BMP6: variants seen among roughly 807,000 people sequenced by gnomAD.
BMP6 encodes VG-1-R.
BMP6 carries 17 observed loss-of-function variants against 54.1 expected under a neutral mutation model. The observed-to-expected ratio is 0.31, with a 90% CI of 0.22 to 0.47. The LOEUF (loss-of-function observed/expected upper bound fraction) is 0.47, where lower values mean the gene tolerates loss of function less well. Ranked by LOEUF, BMP6 falls within the 20% of genes least tolerant of loss-of-function variation. The probability of loss-of-function intolerance (pLI) is 1.00; values close to 1 mark genes in which losing one functional copy is unlikely to be tolerated. For missense variants in BMP6, 720 were observed against 690.4 expected, an observed-to-expected ratio of 1.04 and a Z score of -0.48; for synonymous variants, 328 against 291.2, an observed-to-expected ratio of 1.13 and a Z score of -1.28.
intron 1 of BMP6, among the ~76,000 whole-genome samples, chr6:7,809,438 G>A (rs972201393): frequency 1.3e-5 from 2 of 152,214 alleles, no homozygotes; most frequent in Non-Finnish European, 2.9e-5. Flanking sequence ...AAACAGAAAT[G>A]GAAGAACAGC....
Position 7,842,818 on chromosome 6 carries a change from T to C in BMP6, c.665-2322T>C, listed in dbSNP as rs551226362. On this transcript the variant is annotated intron_variant, in intron 1 of 6. Coordinates refer to ENST00000283147, the MANE Select transcript of BMP6 (RefSeq NM_001718.6). ...ACTGAAATATCTTAAAGTTACTGTC[T>C]TATGTCTTATTTCTTATATTTTTTC... Among the ~76,000 whole-genome samples the C allele has an allele frequency of 2.0e-5, 3 of 152,390 alleles. No homozygotes were observed. In the South Asian group the frequency reaches 6.2e-4, roughly 32 times the overall value.
At chr6:7,870,168 C>A (rs1361514916) in intron 4 of BMP6, among the ~76,000 whole-genome samples, 3 of 152,214 alleles carry the variant, frequency 2.0e-5, no homozygotes, top group Admixed American at 6.5e-5. Flanking sequence ...GGAGGAATGA[C>A]AGATAATGAA....
chr6:7,817,373 C>T (rs1405659916), intron 1 of BMP6, among the ~76,000 whole-genome samples: 2 of 152,032 alleles, frequency 1.3e-5, no homozygotes, highest in African/African-American at 2.4e-5. Context: ...TGCACATATA[C>T]ACCATGGAAT....
intron 1 of BMP6, among the ~76,000 whole-genome samples, chr6:7,782,620 C>A (rs1757963669): frequency 2.6e-5 from 4 of 152,098 alleles, no homozygotes; most frequent in Admixed American, 2.0e-4. Context: ...AGGAGAATTG[C>A]TTGAACCGGG....
chr6:7,755,340 TTTTA>T (rs1210371776), intron 1 of BMP6, among the ~76,000 whole-genome samples: 2 of 152,204 alleles, frequency 1.3e-5, no homozygotes, highest in Non-Finnish European at 2.9e-5. Flanking sequence ...GACCTTTATG[TTTTA>T]TTTATTTTTA....
chr6:7,852,090 G>A (rs112053446), intron 2 of BMP6, among the ~76,000 whole-genome samples: 29 of 152,158 alleles, frequency 1.9e-4, no homozygotes, highest in African/African-American at 6.0e-4. Context: ...TGAAATTCTG[G>A]ACATTAAGAA....
At chr6:7,772,392 T>C (rs762839974) in intron 1 of BMP6, among the ~76,000 whole-genome samples, 1 of 152,188 alleles carries the variant, frequency 6.6e-6, no homozygotes, top group Non-Finnish European at 1.5e-5. Context: ...GCCCAATCTG[T>C]CAGTAATGAA....
At chr6:7,869,415 T>TA (rs1759484568) in intron 4 of BMP6, among the ~76,000 whole-genome samples, 1 of 152,252 alleles carries the variant, frequency 6.6e-6, no homozygotes, top group African/African-American at 2.4e-5. Flanking sequence ...ACCCAGATGT[T>TA]ATGCTTAGTG....
chr6:7,849,246 A>G (rs1256595749), intron 2 of BMP6, among the ~76,000 whole-genome samples: 1 of 151,972 alleles, frequency 6.6e-6, no homozygotes, highest in Non-Finnish European at 1.5e-5. Flanking sequence ...TAGAATTCAG[A>G]CTCTGGTACT....
chr6:7,773,110 G>A (rs924131496), intron 1 of BMP6, among the ~76,000 whole-genome samples: 3 of 152,182 alleles, frequency 2.0e-5, no homozygotes, highest in African/African-American at 7.2e-5. Flanking sequence ...TTAGATGAAC[G>A]TAGCAGATGC....
At chr6:7,751,999 T>G (rs544406570) in intron 1 of BMP6, among the ~76,000 whole-genome samples, 1 of 152,348 alleles carries the variant, frequency 6.6e-6, no homozygotes, top group African/African-American at 2.4e-5. Context: ...ACTCACTACT[T>G]CACAAACACA....
chr6:7,780,565 G>T (rs898174845), intron 1 of BMP6, among the ~76,000 whole-genome samples: 1 of 151,352 alleles, frequency 6.6e-6, no homozygotes, highest in African/African-American at 2.4e-5. Flanking sequence ...AAAAAAGCAA[G>T]GGAGACTCTT....
intron 1 of BMP6, among the ~76,000 whole-genome samples, chr6:7,813,468 A>AC (rs1333897239): frequency 6.9e-6 from 1 of 145,288 alleles, no homozygotes; most frequent in Non-Finnish European, 1.5e-5. Context: ...CAAAAAAAAA[A>AC]AAAAAAAAAA....
chr6:7,788,550 G>T (rs1758050312), intron 1 of BMP6, among the ~76,000 whole-genome samples: 1 of 152,110 alleles, frequency 6.6e-6, no homozygotes, highest in African/African-American at 2.4e-5. Flanking sequence ...AGTTTTAAAG[G>T]GTGTAATATC....
At chr6:7,735,965 C>T (rs958113587) in intron 1 of BMP6, among the ~76,000 whole-genome samples, 3 of 152,036 alleles carry the variant, frequency 2.0e-5, no homozygotes, top group Non-Finnish European at 2.9e-5. Flanking sequence ...ACGCAGAGTT[C>T]GGGGAAAGAA....
intron 1 of BMP6, among the ~76,000 whole-genome samples, chr6:7,732,056 A>C (rs971813771): frequency 6.6e-6 from 1 of 152,224 alleles, no homozygotes; most frequent in African/African-American, 2.4e-5. Flanking sequence ...AACATAAATA[A>C]GAAGAAAAAT....
Position 7,881,540 on chromosome 6 carries a change from AG to A in BMP6, c.*1198del, listed in dbSNP as rs1759737832. ...ACTTTTAAAAAAAAAGAGTTTATTT[AG>A]AAAGTATCATAGTGTAAACAAACAA... On this transcript the variant is annotated 3_prime_UTR_variant, in exon 7 of 7. Coordinates refer to ENST00000283147, the MANE Select transcript of BMP6 (RefSeq NM_001718.6). 2 of 152,458 alleles carry A rather than the reference AG, an allele frequency of 1.3e-5. No individual in the cohort carries two copies. Among genetic ancestry groups the A allele is most frequent in the Non-Finnish European group, 2.9e-5 (2 of 68,046 alleles). 9.4% of individuals were successfully genotyped at this position (152,458 alleles called of 1,614,324 possible). A position where few individuals can be genotyped will look rare whatever the true frequency, so the allele number is the denominator to read the frequency against.
At chr6:7,838,552 A>G (rs1758913683) in intron 1 of BMP6, among the ~76,000 whole-genome samples, 1 of 152,170 alleles carries the variant, frequency 6.6e-6, no homozygotes, top group Non-Finnish European at 1.5e-5. Flanking sequence ...TTTAATCTTA[A>G]TAGTACCGAA....
At chr6:7,791,078 T>C (rs758050786) in intron 1 of BMP6, among the ~76,000 whole-genome samples, 2 of 152,194 alleles carry the variant, frequency 1.3e-5, no homozygotes, top group African/African-American at 2.4e-5. Flanking sequence ...ACACTCATAC[T>C]TCCCTTCCTT....
Sources: gnomAD v4.1 joint callset for allele counts (sites outside exome capture counted in the v4.1 genomes callset) on GRCh38, gnomAD v4.1.1 for gene constraint, MANE v1.5 for transcripts, NCBI Gene and HGNC (gene_info 2026-07-23, HGNC 2026-07-21) for gene names.